Variants in KLHL1 observed in about 807,000 individuals in gnomAD.
KLHL1 encodes kelch-like protein 1.
KLHL1 carries 47 observed loss-of-function variants against 77.7 expected under a neutral mutation model. The ratio of observed to expected loss-of-function variants is 0.60; its 90% CI spans 0.48 to 0.77. The LOEUF (loss-of-function observed/expected upper bound fraction) is 0.77. KLHL1 is among the 30% of genes least tolerant of loss of function. The pLI is 0.00. For missense variants in KLHL1, 925 were observed against 910.8 expected (o/e 1.02, Z -0.20); for synonymous variants, 360 against 325.2 (o/e 1.11, Z -1.15).
intron 1 of KLHL1, among the ~76,000 whole-genome samples, chr13:69,998,269 T>G (rs1885205544): frequency 6.6e-6 from 1 of 151,974 alleles, no homozygotes; most frequent in South Asian, 2.1e-4. Flanking sequence ...GATCAAATAG[T>G]AGTAGAAATA....
chr13:69,958,916 C>G (rs1164696978), intron 3 of KLHL1, among the ~76,000 whole-genome samples: 1 of 151,944 alleles, frequency 6.6e-6, no homozygotes, highest in Non-Finnish European at 1.5e-5. Context: ...GCTTCCCTTT[C>G]TATACAACTG....
intron 5 of KLHL1, among the ~76,000 whole-genome samples, chr13:69,877,717 GTTA>G (rs1484638361): frequency 2.6e-5 from 4 of 152,008 alleles, no homozygotes; most frequent in African/African-American, 4.8e-5. Context: ...TTCTGGATTA[GTTA>G]TTATATTTCA....
At chr13:69,730,873 C>T (rs961314382) in intron 8 of KLHL1, among the ~76,000 whole-genome samples, 30 of 152,060 alleles carry the variant, frequency 2.0e-4, no homozygotes, top group Admixed American at 1.3e-4. Flanking sequence ...AGCCACTGTG[C>T]CTGGACGGAG....
intron 1 of KLHL1, among the ~76,000 whole-genome samples, chr13:70,083,183 T>G (rs1887437071): frequency 6.6e-6 from 1 of 152,286 alleles, no homozygotes; most frequent in South Asian, 2.1e-4. Flanking sequence ...TTTAAACTGC[T>G]AAGCACAAAA....
intron 6 of KLHL1, among the ~76,000 whole-genome samples, chr13:69,812,692 T>G (rs1303862613): frequency 6.6e-6 from 1 of 151,454 alleles, no homozygotes; most frequent in African/African-American, 2.4e-5. Context: ...AAGAAGACAT[T>G]TATGCAGCCA....
chr13:70,033,941 A>G (rs1283377161), intron 1 of KLHL1, among the ~76,000 whole-genome samples: 1 of 151,996 alleles, frequency 6.6e-6, no homozygotes, highest in East Asian at 1.9e-4. Flanking sequence ...TGAAAATCCA[A>G]TCCTTAAGCC....
At chr13:70,079,972 G>A in intron 1 of KLHL1, among the ~76,000 whole-genome samples, 1 of 152,200 alleles carries the variant, frequency 6.6e-6, no homozygotes, top group South Asian at 2.1e-4. Context: ...ACACCAGGAT[G>A]TGATGGTGAA....
intron 1 of KLHL1, among the ~76,000 whole-genome samples, chr13:70,102,535 C>T (rs1555297495): frequency 1.3e-5 from 2 of 152,082 alleles, no homozygotes; most frequent in Non-Finnish European, 2.9e-5. Flanking sequence ...TTCTCCATAA[C>T]CTCAGATGCT....
At chr13:69,802,088 C>G (rs1877409243) in intron 6 of KLHL1, among the ~76,000 whole-genome samples, 1 of 152,102 alleles carries the variant, frequency 6.6e-6, no homozygotes, top group Non-Finnish European at 1.5e-5. Context: ...CACTGTTCAA[C>G]TCCCACTTAT....
intron 1 of KLHL1, among the ~76,000 whole-genome samples, chr13:70,017,024 G>A (rs1885676098): frequency 6.6e-6 from 1 of 152,142 alleles, no homozygotes. Context: ...CAACCTGCAT[G>A]CAGAAAGGAG....
intron 6 of KLHL1, among the ~76,000 whole-genome samples, chr13:69,817,896 T>G (rs754768429): frequency 4.4e-4 from 67 of 152,322 alleles, no homozygotes; most frequent in Non-Finnish European, 8.1e-4. Context: ...TAGAAAGACC[T>G]ACAGAATGTA....
intron 2 of KLHL1, among the ~76,000 whole-genome samples, chr13:69,964,480 T>A (rs9542133): frequency 0.39 from 59,880 of 151,834 alleles, 12,433 homozygotes; most frequent in Non-Finnish European, 0.47. Context: ...ACTTAATATT[T>A]ACTCAGCATA....
At chr13:69,857,051 C>T (rs987234855) in intron 5 of KLHL1, among the ~76,000 whole-genome samples, 4 of 151,988 alleles carry the variant, frequency 2.6e-5, no homozygotes, top group African/African-American at 9.7e-5. Context: ...TAGTAAATTC[C>T]GAACCTGATA....
At chr13:69,889,303 T>C (rs371607481) in intron 4 of KLHL1, among the ~76,000 whole-genome samples, 77 of 152,130 alleles carry the variant, frequency 5.1e-4, no homozygotes, top group African/African-American at 1.8e-3. Context: ...AACACTACCT[T>C]AGAATTTCAA....
At chr13:70,070,190 T>G (rs1369999796) in intron 1 of KLHL1, among the ~76,000 whole-genome samples, 1 of 150,110 alleles carries the variant, frequency 6.7e-6, no homozygotes, top group East Asian at 1.9e-4. Flanking sequence ...ATTATAGTAA[T>G]AATTATTGCG....
At chr13:69,991,412 A>C (rs919340236) in intron 1 of KLHL1, among the ~76,000 whole-genome samples, 2 of 151,496 alleles carry the variant, frequency 1.3e-5, no homozygotes, top group South Asian at 2.1e-4. Context: ...ACAACAACAA[A>C]AAACAGGATA....
chr13:69,758,929 A>C (rs1290948728), intron 7 of KLHL1, among the ~76,000 whole-genome samples: 1 of 152,162 alleles, frequency 6.6e-6, no homozygotes, highest in Non-Finnish European at 1.5e-5. Context: ...AATTGCTGAA[A>C]ATAAGTTTGA....
chr13:69,966,573 T>C (rs1884216854), intron 2 of KLHL1, among the ~76,000 whole-genome samples: 1 of 152,182 alleles, frequency 6.6e-6, no homozygotes, highest in African/African-American at 2.4e-5. Flanking sequence ...TTTCAAGTCA[T>C]ATTATTTTTA....
chr13:69,864,259 C>T (rs372636475), intron 5 of KLHL1, among the ~76,000 whole-genome samples: 2 of 151,854 alleles, frequency 1.3e-5, no homozygotes, highest in East Asian at 3.9e-4. Flanking sequence ...ATAGTCTGTG[C>T]TATTAAAGCA....
Sources: gnomAD v4.1 joint callset for allele counts (sites outside exome capture counted in the v4.1 genomes callset) on GRCh38, gnomAD v4.1.1 for gene constraint, MANE v1.5 for transcripts, NCBI Gene and HGNC (gene_info 2026-07-23, HGNC 2026-07-21) for gene names.